The following PDE7B variants were observed in gnomAD, a reference collection of about 807,000 sequenced individuals.
PDE7B encodes 3',5'-cyclic-AMP phosphodiesterase 7B.
In PDE7B, 29 loss-of-function variants were observed where a neutral mutation model predicts 56.2. The observed-to-expected ratio is 0.52, with a 90% confidence interval of 0.38 to 0.70. The LOEUF (loss-of-function observed/expected upper bound fraction) is 0.70. PDE7B is among the 30% of genes least tolerant of loss of function. PDE7B has a pLI of 0.00. For missense variants in PDE7B, 490 were observed against 565.0 expected, an observed-to-expected ratio of 0.87 and a Z score of 1.35; for synonymous variants, 197 against 196.9, an observed-to-expected ratio of 1.00 and a Z score of 0.00.
intron 1 of PDE7B, among the ~76,000 whole-genome samples, chr6:135,882,173 T>G (rs1007636283): frequency 1.7e-4 from 26 of 152,206 alleles, no homozygotes; most frequent in Non-Finnish European, 2.9e-4. Context: ...GGTATAAAAT[T>G]TGTGGTGAAT....
At chr6:136,170,852 T>C (rs1345338162) in intron 8 of PDE7B, among the ~76,000 whole-genome samples, 6 of 152,120 alleles carry the variant, frequency 3.9e-5, no homozygotes, top group Non-Finnish European at 8.8e-5. Context: ...AACCCATTAA[T>C]CCATTAATCC....
intron 2 of PDE7B, among the ~76,000 whole-genome samples, chr6:136,057,850 C>A (rs1264259499): frequency 2.0e-5 from 3 of 152,168 alleles, no homozygotes; most frequent in African/African-American, 4.8e-5. Flanking sequence ...AATTCTCCTG[C>A]CTCAGCCTCC....
chr6:136,005,207 A>G lies in PDE7B; in HGVS notation c.82+57683A>G, dbSNP rs561145078. ...ACACCTTATACAAAAATTAATTCAA[A>G]ATGGATTAAAGACTTAAATGTTAGA... On this transcript the variant is annotated intron_variant, in intron 2 of 12. Coordinates refer to ENST00000308191, the MANE Select transcript of PDE7B (RefSeq NM_018945.4). Among the ~76,000 whole-genome samples, 443 of 152,152 alleles carry G rather than the reference A, an allele frequency of 2.9e-3. 2 individuals are homozygous for G. Among genetic ancestry groups the G allele is most frequent in the African/African-American group, 9.9e-3 (411 of 41,458 alleles).
chr6:136,012,885 A>G (rs762391463), intron 2 of PDE7B, among the ~76,000 whole-genome samples: 1 of 152,260 alleles, frequency 6.6e-6, no homozygotes, highest in Non-Finnish European at 1.5e-5. Context: ...GTATTCAAAC[A>G]TGAACTTTTT....
At chr6:136,099,202 T>G (rs1023112182) in intron 2 of PDE7B, among the ~76,000 whole-genome samples, 4 of 151,484 alleles carry the variant, frequency 2.6e-5, no homozygotes, top group African/African-American at 7.4e-5. Flanking sequence ...TGGTTCCAAG[T>G]CTTTGCTATT....
At chr6:135,965,619 C>A (rs993073964) in intron 2 of PDE7B, among the ~76,000 whole-genome samples, 3 of 152,074 alleles carry the variant, frequency 2.0e-5, no homozygotes, top group African/African-American at 7.2e-5. Context: ...AGGGAAACTC[C>A]CCTTTATAAA....
intron 2 of PDE7B, among the ~76,000 whole-genome samples, chr6:136,031,031 C>G (rs1043458694): frequency 3.0e-4 from 46 of 152,242 alleles, no homozygotes; most frequent in African/African-American, 1.1e-3. Flanking sequence ...TCAATGTCCC[C>G]AGATACAGCC....
intron 2 of PDE7B, among the ~76,000 whole-genome samples, chr6:136,019,560 G>T (rs1425593881): frequency 6.6e-6 from 1 of 152,100 alleles, no homozygotes; most frequent in Non-Finnish European, 1.5e-5. Context: ...CTACAGAACT[G>T]CATTAACTTG....
chr6:135,852,025 T>C lies in PDE7B; in HGVS notation c.21+6T>C. On this transcript the variant is annotated splice_donor_region_variant and intron_variant, in intron 1 of 12. Transcript: ENST00000308191. Reference sequence around the variant, plus strand: ...TGTCTTGTTTAATGGTTGAGGTATGTACAACAAATTTAAGCGGCAAGCTCA... The same window carrying C: ...TGTCTTGTTTAATGGTTGAGGTATGCACAACAAATTTAAGCGGCAAGCTCA... 1 of 1,601,780 alleles carries C rather than the reference T, an allele frequency of 6.2e-7. No individual in the cohort carries two copies. Among genetic ancestry groups the C allele is most frequent in the South Asian group, 1.1e-5 (1 of 90,828 alleles).
chr6:136,085,576 T>C (rs1365183518), intron 2 of PDE7B, among the ~76,000 whole-genome samples: 1 of 152,142 alleles, frequency 6.6e-6, no homozygotes, highest in Non-Finnish European at 1.5e-5. Context: ...TTTTGGTTGA[T>C]GGAATCAGTT....
intron 1 of PDE7B, among the ~76,000 whole-genome samples, chr6:135,917,050 T>C (rs541366418): frequency 6.6e-5 from 10 of 152,332 alleles, no homozygotes; most frequent in Non-Finnish European, 1.2e-4. Context: ...GTTTCCTTCT[T>C]TGTAGTTTTC....
intron 2 of PDE7B, among the ~76,000 whole-genome samples, chr6:135,949,665 G>C (rs1308433427): frequency 1.3e-5 from 2 of 152,044 alleles, no homozygotes; most frequent in African/African-American, 4.8e-5. Context: ...AGCAATAGAA[G>C]AGTTTTAATT....
At chr6:136,055,153 T>C (rs1394321962) in intron 2 of PDE7B, among the ~76,000 whole-genome samples, 2 of 152,218 alleles carry the variant, frequency 1.3e-5, no homozygotes, top group East Asian at 1.9e-4. Flanking sequence ...TAAAATCATT[T>C]CTGCTATCTA....
intron 1 of PDE7B, among the ~76,000 whole-genome samples, chr6:135,883,097 C>A (rs1269653266): frequency 6.6e-6 from 1 of 152,174 alleles, no homozygotes; most frequent in Non-Finnish European, 1.5e-5. Flanking sequence ...TACTAATACA[C>A]TCCATTTGGT....
chr6:135,982,981 T>G (rs1387177973), intron 2 of PDE7B, among the ~76,000 whole-genome samples: 1 of 152,136 alleles, frequency 6.6e-6, no homozygotes, highest in East Asian at 1.9e-4. Context: ...CTAGTTTTCA[T>G]GGAAAAAAGT....
At chr6:136,028,764 T>C (rs1440499587) in intron 2 of PDE7B, among the ~76,000 whole-genome samples, 1 of 152,236 alleles carries the variant, frequency 6.6e-6, no homozygotes, top group Non-Finnish European at 1.5e-5. Context: ...ATCCAGATAA[T>C]CCAGATATTC....
intron 6 of PDE7B, among the ~76,000 whole-genome samples, chr6:136,153,581 C>A (rs1360989643): frequency 6.6e-6 from 1 of 152,126 alleles, no homozygotes; most frequent in Non-Finnish European, 1.5e-5. Flanking sequence ...TGAATCTCTG[C>A]CCTAAGAGGC....
At chr6:136,000,090 G>T (rs1004779095) in intron 2 of PDE7B, among the ~76,000 whole-genome samples, 2 of 152,098 alleles carry the variant, frequency 1.3e-5, no homozygotes, top group Non-Finnish European at 2.9e-5. Context: ...TAATGAAGTT[G>T]TTTGTTGTTG....
intron 1 of PDE7B, among the ~76,000 whole-genome samples, chr6:135,867,325 TGAGA>T (rs750558871): frequency 6.6e-6 from 1 of 152,202 alleles, no homozygotes; most frequent in East Asian, 1.9e-4. Flanking sequence ...TTAAAATTTT[TGAGA>T]GAGTCAATGT....
Sources: gnomAD v4.1 joint callset for allele counts (sites outside exome capture counted in the v4.1 genomes callset) on GRCh38, gnomAD v4.1.1 for gene constraint, MANE v1.5 for transcripts, NCBI Gene and HGNC (gene_info 2026-07-23, HGNC 2026-07-21) for gene names.